The following NIPBL variants were observed in gnomAD, a reference collection of about 807,000 sequenced individuals.
NIPBL encodes NIPBL cohesin loading factor.
Under a neutral mutation model 321.8 loss-of-function variants are expected in NIPBL, and 19 were observed. That is an observed-to-expected ratio of 0.06 (90% CI 0.04 to 0.09). NIPBL has a LOEUF of 0.09. Ranked by LOEUF, NIPBL falls within the 10% of genes least tolerant of loss-of-function variation. The pLI is 1.00. For synonymous variants in NIPBL, 1,106 were observed against 1,114.1 expected, an observed-to-expected ratio of 0.99 and a Z score of 0.14; for missense variants, 2,210 against 3,327.0, an observed-to-expected ratio of 0.66 and a Z score of 8.26.
intron 8 of NIPBL, among the ~76,000 whole-genome samples, chr5:36,974,498 C>A (rs1003690477): frequency 6.6e-6 from 1 of 152,084 alleles, no homozygotes; most frequent in African/African-American, 2.4e-5. Context: ...AACTACATAA[C>A]CTTGGGCAAA....
intron 1 of NIPBL, among the ~76,000 whole-genome samples, chr5:36,920,104 A>T (rs958128169): frequency 6.6e-6 from 1 of 152,306 alleles, no homozygotes; most frequent in South Asian, 2.1e-4. Context: ...TATGAATATC[A>T]GAGAAATATA....
intron 4 of NIPBL, among the ~76,000 whole-genome samples, chr5:36,958,742 A>G (rs1407190240): frequency 6.6e-6 from 1 of 152,096 alleles, no homozygotes; most frequent in Non-Finnish European, 1.5e-5. Context: ...TCCAACACAG[A>G]TATAATTTTT....
chr5:37,065,943 G>A lies in NIPBL; in HGVS notation c.*1051G>A, dbSNP rs2149762604. 1 of 152,458 alleles carries A rather than the reference G, an allele frequency of 6.6e-6. No individual in the cohort carries two copies. The highest frequency in any genetic ancestry group is 6.5e-5 in the Admixed American group (1 of 15,292). The allele number at this position is 152,458 out of a possible 1,614,324, so 9.4% of individuals were successfully genotyped here. On this transcript the variant is annotated 3_prime_UTR_variant, in exon 47 of 47. Transcript: ENST00000282516. Reference sequence around the variant, plus strand: ...TTTCTCTTGGTTAAAATGATGTCCGGTTATTTTAGAACTAGAGTTGAGATG... The same window carrying A: ...TTTCTCTTGGTTAAAATGATGTCCGATTATTTTAGAACTAGAGTTGAGATG...
intron 16 of NIPBL, among the ~76,000 whole-genome samples, chr5:37,005,128 T>C (rs1747273401): frequency 6.6e-6 from 1 of 152,226 alleles, no homozygotes; most frequent in Non-Finnish European, 1.5e-5. Flanking sequence ...ATTTTATATG[T>C]AGTCCAAGAC....
chr5:36,948,480 TA>T, intron 1 of NIPBL, among the ~76,000 whole-genome samples: 1 of 152,098 alleles, frequency 6.6e-6, no homozygotes, highest in Middle Eastern at 3.4e-3. Flanking sequence ...TAAAGCAATT[TA>T]TTAAATTGCT....
chr5:37,045,351 CA>C lies in NIPBL; in HGVS notation c.6344-82del, dbSNP rs892174604. 2,551 of 956,476 alleles carry C rather than the reference CA, an allele frequency of 2.7e-3. 1 individual carries two copies. Among genetic ancestry groups the C allele is most frequent in the Non-Finnish European group, 2.8e-3 (1,861 of 654,168 alleles). The allele number at this position is 956,476 out of a possible 1,614,324, so 59.2% of individuals were successfully genotyped here. A position where few individuals can be genotyped will look rare whatever the true frequency, so the allele number is the denominator to read the frequency against. ...CCTGGGTGACAGTGAGACTCCATCT[CA>C]AAAAAAAAATTGTAATTCATTAGTA... On this transcript the variant is annotated intron_variant, in intron 36 of 46. Coordinates refer to ENST00000282516, the MANE Select transcript of NIPBL (RefSeq NM_133433.4).
At chr5:36,936,937 G>A (rs1004505740) in intron 1 of NIPBL, among the ~76,000 whole-genome samples, 1 of 151,488 alleles carries the variant, frequency 6.6e-6, no homozygotes, top group African/African-American at 2.4e-5. Context: ...TATAGGCTAT[G>A]TATTGCCTAC....
chr5:36,881,028 C>T (rs1048504206), intron 1 of NIPBL, among the ~76,000 whole-genome samples: 3 of 152,020 alleles, frequency 2.0e-5, no homozygotes, highest in African/African-American at 7.2e-5. Context: ...AGTGCTGACA[C>T]TGACACCATT....
At chr5:37,062,635 G>C (rs192736767) in intron 45 of NIPBL, among the ~76,000 whole-genome samples, 1 of 152,238 alleles carries the variant, frequency 6.6e-6, no homozygotes, top group East Asian at 1.9e-4. Context: ...GGTTAAACTG[G>C]TAGGCTGGAC....
At chr5:37,058,334 ATGT>A (rs2149751692) in intron 43 of NIPBL, among the ~76,000 whole-genome samples, 1 of 152,326 alleles carries the variant, frequency 6.6e-6, no homozygotes, top group African/African-American at 2.4e-5. Context: ...TTTTGAAGAA[ATGT>A]TGTTATAATG....
At chr5:36,980,021 GA>G (rs963034519) in intron 9 of NIPBL, among the ~76,000 whole-genome samples, 2 of 151,612 alleles carry the variant, frequency 1.3e-5, no homozygotes, top group Middle Eastern at 3.4e-3. Flanking sequence ...GAGGAATGGT[GA>G]CCTTTTTTTT....
At position 37,020,782 on chromosome 5, in the gene NIPBL, T is replaced by C. The variant is rs1475873650; in HGVS notation, c.5233T>C (p.Ser1745Pro). 2 of 1,613,944 alleles carry C rather than the reference T, an allele frequency of 1.2e-6. No homozygotes were observed. Among genetic ancestry groups the C allele is most frequent in the Non-Finnish European group, 1.7e-6 (2 of 1,179,798 alleles). The change falls in exon 27 of 47, where the codon TCT becomes CCT. Residue 1745 changes from serine to proline, a missense_variant. By Grantham distance (74) the Ser-to-Pro change is moderately conservative. Transcript: ENST00000282516. ...AATGACTTTTTGTTGCAGGATGAACTCTGATACTGTGGACTATGATGATGC... is the reference window on the plus strand; with the variant it reads ...AATGACTTTTTGTTGCAGGATGAACCCTGATACTGTGGACTATGATGATGC... The part of the protein sequence containing the change: ...PSQFSTLKMN[S>P]DTVDYDDACL...
chr5:36,920,808 T>C (rs1283280837), intron 1 of NIPBL, among the ~76,000 whole-genome samples: 1 of 151,572 alleles, frequency 6.6e-6, no homozygotes, highest in Non-Finnish European at 1.5e-5. Context: ...CTTACATATC[T>C]TCTTCTTTGT....
intron 32 of NIPBL, among the ~76,000 whole-genome samples, chr5:37,035,900 T>TTGCA (rs1751630777): frequency 6.6e-6 from 1 of 152,204 alleles, no homozygotes; most frequent in East Asian, 1.9e-4. Flanking sequence ...TCATAACACT[T>TTGCA]TTCTAGCATT....
intron 1 of NIPBL, among the ~76,000 whole-genome samples, chr5:36,895,580 C>T (rs1409678873): frequency 6.6e-6 from 1 of 152,134 alleles, no homozygotes; most frequent in Admixed American, 6.5e-5. Flanking sequence ...TTTGTAGTAG[C>T]AATGTATGAA....
rs1026573019 is a variant in NIPBL at position 36,953,522 on chromosome 5, A to G, written c.-79-96A>G. The G allele has an allele frequency of 9.4e-6, 6 of 637,980 alleles. No individual in the cohort carries two copies. In the East Asian group the frequency reaches 1.6e-4, roughly 17 times the overall value. The allele number at this position is 637,980 out of a possible 1,614,324, so 39.5% of individuals were successfully genotyped here. On this transcript the variant is annotated intron_variant, in intron 1 of 46. Transcript: ENST00000282516. ...GATTATTATATAGGTTGAACAAACCAAAGCAGTAACTTTTTTTTATAGTGA... is the reference window on the plus strand; with the variant it reads ...GATTATTATATAGGTTGAACAAACCGAAGCAGTAACTTTTTTTTATAGTGA...
At position 36,904,853 on chromosome 5, in the gene NIPBL, G is replaced by C. The variant is rs191248189; in HGVS notation, c.-80+27675G>C. ...ACTAAGAGAGGGTACCACAACAGAA[G>C]CCAGTCTTTTTGTAACCTAATCTCA... is the stretch of plus-strand genomic sequence containing the variant. On this transcript the variant is annotated intron_variant, in intron 1 of 46. Coordinates refer to ENST00000282516, the MANE Select transcript of NIPBL (RefSeq NM_133433.4). Among the ~76,000 whole-genome samples, 1,236 of 152,268 alleles carry C rather than the reference G, an allele frequency of 8.1e-3. 12 individuals carry two copies. The highest frequency in any genetic ancestry group is 0.013 in the Non-Finnish European group (910 of 68,006).
At chr5:37,058,717 T>G (rs978812040) in intron 43 of NIPBL, among the ~76,000 whole-genome samples, 174 bp from the exon 44 acceptor site, 22 of 152,200 alleles carry the variant, frequency 1.4e-4, no homozygotes, top group Admixed American at 5.9e-4. Context: ...ATATATAATT[T>G]TATTTAGTTT....
At chr5:36,991,514 A>G (rs901079249) in intron 10 of NIPBL, among the ~76,000 whole-genome samples, 1 of 152,120 alleles carries the variant, frequency 6.6e-6, no homozygotes, top group Non-Finnish European at 1.5e-5. Flanking sequence ...CTCACCGTGT[A>G]TACATATCAA....
Sources: allele counts gnomAD v4.1 joint callset (sites outside exome capture counted in the v4.1 genomes callset), GRCh38; gene constraint gnomAD v4.1.1; transcripts MANE v1.5; gene names NCBI Gene and HGNC (gene_info 2026-07-23, HGNC 2026-07-21).